The following DIP2A variants were observed in gnomAD, a reference collection of about 807,000 sequenced individuals.
DIP2A encodes DIP2 acetate--CoA ligase A, also known as disco-interacting protein 2 homolog A.
A neutral mutation model predicts 177.4 loss-of-function variants in DIP2A; 85 were observed. The ratio of observed to expected loss-of-function variants is 0.48; its 90% CI spans 0.40 to 0.57. The LOEUF is 0.57. Among genes scored for constraint, DIP2A ranks in the 20% least tolerant of loss-of-function variants. The probability of loss-of-function intolerance (pLI) is 0.00; values close to 1 mark genes in which losing one functional copy is unlikely to be tolerated. For missense variants in DIP2A, 1,791 were observed against 2,100.2 expected, an observed-to-expected ratio of 0.85 and a Z score of 2.88; for synonymous variants, 886 against 881.8, an observed-to-expected ratio of 1.00 and a Z score of -0.08.
At chr21:46,529,321 T>G in intron 9 of DIP2A, 138 bp downstream of exon 9, 3 of 611,270 alleles carry the variant, frequency 4.9e-6, no homozygotes, top group Non-Finnish European at 2.8e-6. Flanking sequence ...CAGTGAGGAC[T>G]GGGTGCGGTG....
the DIP2A span, among the ~76,000 whole-genome samples, chr21:46,583,298 T>C: frequency 6.6e-6 from 1 of 152,158 alleles, no homozygotes; most frequent in African/African-American, 2.4e-5. Context: ...CTTTCTATAA[T>C]GAATAACCAA....
intron 1 of DIP2A, among the ~76,000 whole-genome samples, chr21:46,461,457 CAT>C (rs1228118211): frequency 1.3e-5 from 2 of 152,018 alleles, no homozygotes; most frequent in African/African-American, 4.8e-5. Flanking sequence ...GCATTTCAAA[CAT>C]ATTTTTGCGT....
intron 21 of DIP2A, 183 bp downstream of exon 21, chr21:46,547,225 T>TGG: frequency 3.6e-6 from 5 of 1,390,420 alleles, no homozygotes; most frequent in Non-Finnish European, 4.7e-6. Context: ...GTTAATATCC[T>TGG]TACTGTCCAA....
At chr21:46,547,923 G>T (rs2060122699) in intron 21 of DIP2A, among the ~76,000 whole-genome samples, 4 of 151,992 alleles carry the variant, frequency 2.6e-5, no homozygotes, top group Admixed American at 2.6e-4. Context: ...TCCCTCCTTG[G>T]CCTCCCAAAC....
chr21:46,526,457 C>T lies in DIP2A; in HGVS notation c.1103-2635C>T, dbSNP rs549505329. Among the ~76,000 whole-genome samples, 29 of 151,066 alleles carry T rather than the reference C, an allele frequency of 1.9e-4. No individual in the cohort carries two copies. In the South Asian group the frequency reaches 5.0e-3, roughly 26 times the overall value. On this transcript the variant is annotated intron_variant, in intron 8 of 37. Transcript: ENST00000417564. ...TTGTCCAGGCTGGAGTGCAGTGGCA[C>T]GATCTTGGCTCACTGCAACCTCCGC...
At chr21:46,561,578 G>A (rs1242070970) in intron 33 of DIP2A, 170 bp from the exon 34 acceptor site, 19 of 867,510 alleles carry the variant, frequency 2.2e-5, no homozygotes, top group Middle Eastern at 2.4e-4. Context: ...GGACCGCAGC[G>A]TGGTTGGGGT....
intron 1 of DIP2A, among the ~76,000 whole-genome samples, chr21:46,477,096 C>G (rs1010951542): frequency 6.6e-6 from 1 of 152,162 alleles, no homozygotes; most frequent in African/African-American, 2.4e-5. Flanking sequence ...TTTCTTGCCT[C>G]CTCCTGCTCT....
chr21:46,546,527 C>T (rs990677982), intron 20 of DIP2A, among the ~76,000 whole-genome samples: 2 of 152,190 alleles, frequency 1.3e-5, no homozygotes. Flanking sequence ...TCCCTGGTGC[C>T]GGGTTTGGGA....
intron 3 of DIP2A, among the ~76,000 whole-genome samples, chr21:46,494,781 C>G (rs1436019546): frequency 6.6e-6 from 1 of 152,170 alleles, no homozygotes; most frequent in Non-Finnish European, 1.5e-5. Context: ...TTTATTCTTA[C>G]CGATATTCAG....
chr21:46,531,960 C>T (rs1193271815), intron 9 of DIP2A, among the ~76,000 whole-genome samples, 167 bp from the exon 10 acceptor site: 1 of 152,214 alleles, frequency 6.6e-6, no homozygotes, highest in Admixed American at 6.5e-5. Context: ...CCTGAGTCAA[C>T]TGTCTCTACT....
At chr21:46,547,682 T>TA (rs1555909425) in intron 21 of DIP2A, among the ~76,000 whole-genome samples, 4 of 127,880 alleles carry the variant, frequency 3.1e-5, no homozygotes, top group South Asian at 2.5e-4. Context: ...TTTTTTTTTT[T>TA]AAAGATAGGG....
At chr21:46,500,464 GT>G (rs138667121) in intron 5 of DIP2A, among the ~76,000 whole-genome samples, 122 of 152,254 alleles carry the variant, frequency 8.0e-4, no homozygotes, top group African/African-American at 2.8e-3. Flanking sequence ...TTCATCGTTG[GT>G]GATTTAACTT....
chr21:46,511,614 G>C lies in DIP2A; in HGVS notation c.1102G>C (p.Gly368Arg). 1 of 1,527,834 alleles carries C rather than the reference G, an allele frequency of 6.5e-7. No individual in the cohort carries two copies. The highest frequency in any genetic ancestry group is 8.8e-7 in the Non-Finnish European group (1 of 1,140,710). The allele number at this position is 1,527,834 out of a possible 1,614,324, so 94.6% of individuals were successfully genotyped here. ...TGKAVYTLTY[G>R]KLWSRSLKLA... ...GAAAGCCGTCTACACTCTCACCTAT[G>C]GCAAGTGTTAACAGAAAGCAGTTGT... The change falls in exon 8 of 38, where the codon GGT becomes CGT. Residue 368 changes from glycine (G) to arginine (R), a missense_variant and splice_region_variant. Coordinates refer to ENST00000417564, the MANE Select transcript of DIP2A (RefSeq NM_015151.4).
chr21:46,498,524 TC>T lies in DIP2A; in HGVS notation c.404-56del, dbSNP rs1360859527. 3 of 1,551,380 alleles carry T rather than the reference TC, an allele frequency of 1.9e-6. No individual in the cohort carries two copies. In the African/African-American group the frequency reaches 4.1e-5, roughly 21 times the overall value. On this transcript the variant is annotated intron_variant, in intron 4 of 37. Coordinates refer to ENST00000417564, the MANE Select transcript of DIP2A (RefSeq NM_015151.4). The surrounding 1 kb of genome is among the most constrained non-coding windows in gnomAD (Gnocchi z 4.3). ...GGGAGGCTCCAGTGTGAGTGGGAAC[TC>T]CGTCCTCCTCTTGACTCATCCCGAT...
chr21:46,483,889 T>A (rs1359779601), intron 1 of DIP2A, among the ~76,000 whole-genome samples: 10 of 152,158 alleles, frequency 6.6e-5, no homozygotes, highest in Non-Finnish European at 1.0e-4. Context: ...CTAAATAAAG[T>A]CTTCACATCA....
chr21:46,460,801 C>G (rs559824279), intron 1 of DIP2A, among the ~76,000 whole-genome samples: 1 of 151,894 alleles, frequency 6.6e-6, no homozygotes, highest in African/African-American at 2.4e-5. Flanking sequence ...AGAAATGATT[C>G]TTCTGCCTCA....
At chr21:46,523,246 A>T (rs1292160427) in intron 8 of DIP2A, among the ~76,000 whole-genome samples, 16 of 126,460 alleles carry the variant, frequency 1.3e-4, no homozygotes, top group Admixed American at 3.3e-4. Flanking sequence ...TTATTTATTT[A>T]TTTTTTGAGA....
rs574945457 is a variant in DIP2A at position 46,550,450 on chromosome 21, A to C, written c.2638-93A>C. Reference sequence around the variant, plus strand: ...GGCATTCCATTTCCTGGCCTGGGGAACAGGTCCACAGAGGGGATGTTCCTG... The same window carrying C: ...GGCATTCCATTTCCTGGCCTGGGGACCAGGTCCACAGAGGGGATGTTCCTG... On this transcript the variant is annotated intron_variant, in intron 22 of 37. Transcript: ENST00000417564. 2.0e-4 allele frequency: 237 copies of C among 1,214,970 alleles called. 3 individuals are homozygous for C. In the African/African-American group the frequency reaches 2.6e-3, roughly 13 times the overall value. The allele number at this position is 1,214,970 out of a possible 1,614,324, so 75.3% of individuals were successfully genotyped here. A position where few individuals can be genotyped will look rare whatever the true frequency, so the allele number is the denominator to read the frequency against.
chr21:46,566,537 G>A (rs768773208), intron 36 of DIP2A, 23 bp from the exon 37 acceptor site: 9 of 1,613,742 alleles, frequency 5.6e-6, no homozygotes, highest in Admixed American at 5.0e-5. Context: ...TTCTGGGCAC[G>A]TGTAAACACA....
Sources: gnomAD v4.1 joint callset for allele counts (sites outside exome capture counted in the v4.1 genomes callset) on GRCh38, gnomAD v4.1.1 for gene constraint, Gnocchi (gnomAD v3.1) non-coding constraint, MANE v1.5 for transcripts, NCBI Gene and HGNC (gene_info 2026-07-23, HGNC 2026-07-21) for gene names.